The following MAPK4 variants were observed in gnomAD, a reference collection of about 807,000 sequenced individuals.
MAPK4 encodes the protein mitogen-activated protein kinase 4.
In MAPK4, 22 loss-of-function variants were observed where a neutral mutation model predicts 47.7. The ratio of observed to expected loss-of-function variants is 0.46; its 90% confidence interval spans 0.33 to 0.66. MAPK4 has a LOEUF of 0.66. Ranked by LOEUF, MAPK4 falls within the 30% of genes least tolerant of loss-of-function variation. The pLI, the probability that MAPK4 is intolerant of heterozygous loss-of-function variation, is 0.02. For synonymous variants in MAPK4, 390 were observed against 365.7 expected (o/e 1.07, Z -0.76); for missense variants, 736 against 831.7 (o/e 0.88, Z 1.42).
intron 1 of MAPK4, among the ~76,000 whole-genome samples, chr18:50,580,002 A>G (rs2042329649): frequency 6.6e-6 from 1 of 152,206 alleles, no homozygotes; most frequent in Non-Finnish European, 1.5e-5. Flanking sequence ...GTTTCCTCTC[A>G]CAGGGCTCTT....
At chr18:50,569,102 G>A (rs2042227914) in intron 1 of MAPK4, among the ~76,000 whole-genome samples, 1 of 152,110 alleles carries the variant, frequency 6.6e-6, no homozygotes. Context: ...TCATATTTAT[G>A]TTGTCATGTC....
At chr18:50,608,443 TC>T (rs2042601726) in intron 1 of MAPK4, among the ~76,000 whole-genome samples, 1 of 152,206 alleles carries the variant, frequency 6.6e-6, no homozygotes, top group African/African-American at 2.4e-5. Context: ...GAGAGTGTCA[TC>T]CCTCAGTGTG....
intron 2 of MAPK4, among the ~76,000 whole-genome samples, chr18:50,695,175 G>A (rs1350433369): frequency 2.6e-5 from 4 of 151,824 alleles, no homozygotes; most frequent in South Asian, 4.2e-4. Flanking sequence ...ATGAAACCCC[G>A]TGTCTACTAA....
chr18:50,580,221 C>A (rs950340151), intron 1 of MAPK4, among the ~76,000 whole-genome samples: 1 of 152,116 alleles, frequency 6.6e-6, no homozygotes. Context: ...GGATTGAAGA[C>A]CAGTGTTGGC....
intron 1 of MAPK4, among the ~76,000 whole-genome samples, chr18:50,638,354 C>G (rs1269074043): frequency 1.3e-5 from 2 of 152,188 alleles, no homozygotes; most frequent in Non-Finnish European, 2.9e-5. Flanking sequence ...TATCCAAGGA[C>G]GTGAGCTTGC....
At chr18:50,608,715 TTTTA>T (rs1280518858) in intron 1 of MAPK4, among the ~76,000 whole-genome samples, 2 of 152,148 alleles carry the variant, frequency 1.3e-5, no homozygotes, top group Non-Finnish European at 2.9e-5. Flanking sequence ...TTTTATTTTA[TTTTA>T]TTATTATTTT....
At chr18:50,588,494 G>A (rs2042407732) in intron 1 of MAPK4, among the ~76,000 whole-genome samples, 1 of 152,158 alleles carries the variant, frequency 6.6e-6, no homozygotes, top group Non-Finnish European at 1.5e-5. Flanking sequence ...ACCTTCTATT[G>A]GTCAAAGCAA....
At chr18:50,602,798 A>G (rs545442071) in intron 1 of MAPK4, among the ~76,000 whole-genome samples, 2 of 152,280 alleles carry the variant, frequency 1.3e-5, no homozygotes, top group East Asian at 1.9e-4. Context: ...CAGCAACCCC[A>G]TTCCCTGGGT....
At chr18:50,662,681 G>A (rs957954881) in intron 1 of MAPK4, among the ~76,000 whole-genome samples, 2 of 152,208 alleles carry the variant, frequency 1.3e-5, no homozygotes, top group Non-Finnish European at 2.9e-5. Context: ...CACGAGTATC[G>A]ATCCTTTGTT....
chr18:50,562,974 T>C (rs1480891220), intron 1 of MAPK4, among the ~76,000 whole-genome samples: 1 of 152,224 alleles, frequency 6.6e-6, no homozygotes, highest in Non-Finnish European at 1.5e-5. Context: ...CCTTGGCCTC[T>C]AGAAATTCCT....
chr18:50,720,527 C>G (rs777532894), intron 3 of MAPK4, among the ~76,000 whole-genome samples: 28 of 152,190 alleles, frequency 1.8e-4, no homozygotes, highest in Non-Finnish European at 2.4e-4. Flanking sequence ...CCATTGATCT[C>G]GGGCAGGAGC....
At chr18:50,559,924 G>A (rs979198914), upstream of MAPK4, among the ~76,000 whole-genome samples, 16 of 151,224 alleles carry the variant, frequency 1.1e-4, no homozygotes, top group African/African-American at 3.4e-4. Context: ...CGGGAGGGCA[G>A]AGCAGGGCGC....
intron 1 of MAPK4, among the ~76,000 whole-genome samples, chr18:50,599,766 G>A (rs980622291): frequency 1.3e-5 from 2 of 152,140 alleles, no homozygotes; most frequent in African/African-American, 4.8e-5. Flanking sequence ...TACTATAAAT[G>A]TATTTAAAAC....
At chr18:50,601,302 C>T (rs890883441) in intron 1 of MAPK4, among the ~76,000 whole-genome samples, 5 of 141,184 alleles carry the variant, frequency 3.5e-5, no homozygotes, top group African/African-American at 1.4e-4. Flanking sequence ...CCACTGCACT[C>T]CAGCCTGGGT....
At chr18:50,717,370 C>A (rs372178135) in intron 3 of MAPK4, among the ~76,000 whole-genome samples, 1 of 152,156 alleles carries the variant, frequency 6.6e-6, no homozygotes, top group Admixed American at 6.5e-5. Flanking sequence ...CAGTGTGGCC[C>A]AGGGGGAGCG....
intron 1 of MAPK4, among the ~76,000 whole-genome samples, chr18:50,600,257 T>C (rs2042523180): frequency 6.6e-6 from 1 of 152,220 alleles, no homozygotes; most frequent in Admixed American, 6.5e-5. Flanking sequence ...AACATTGATG[T>C]GTGCCTTTCC....
chr18:50,728,150 CT>C (rs1911304541), intron 5 of MAPK4, among the ~76,000 whole-genome samples: 1 of 152,212 alleles, frequency 6.6e-6, no homozygotes, highest in African/African-American at 2.4e-5. Context: ...TCTGTTGGGC[CT>C]GCTCAGGGAG....
chr18:50,646,174 T>A (rs1262381733), intron 1 of MAPK4, among the ~76,000 whole-genome samples: 2 of 152,110 alleles, frequency 1.3e-5, no homozygotes, highest in African/African-American at 4.8e-5. Flanking sequence ...TGTTTTTTGT[T>A]TGTTTGTTTT....
At chr18:50,630,878 G>T (rs959781608) in intron 1 of MAPK4, among the ~76,000 whole-genome samples, 1 of 152,132 alleles carries the variant, frequency 6.6e-6, no homozygotes, top group South Asian at 2.1e-4. Context: ...TGCAACTTTG[G>T]TTCAGTTCCA....
Sources: allele counts gnomAD v4.1 joint callset (sites outside exome capture counted in the v4.1 genomes callset), GRCh38; gene constraint gnomAD v4.1.1; transcripts MANE v1.5; gene names NCBI Gene and HGNC (gene_info 2026-07-23, HGNC 2026-07-21).